HS2ST1: variants seen among roughly 807,000 people sequenced by gnomAD.
HS2ST1 encodes the protein 2-O-sulfotransferase.
Under a neutral mutation model 42.9 loss-of-function variants are expected in HS2ST1, and 18 were observed. The observed-to-expected ratio is 0.42, with a 90% CI of 0.29 to 0.62. The LOEUF (loss-of-function observed/expected upper bound fraction) is 0.62, where lower values mean the gene tolerates loss of function less well. HS2ST1 is among the 20% of genes least tolerant of loss of function. The pLI is 0.21. For missense variants in HS2ST1, 334 were observed against 433.8 expected (o/e 0.77, Z 2.04); for synonymous variants, 146 against 152.9 (o/e 0.95, Z 0.33).
At chr1:87,081,274 A>G (rs1651680913) in intron 2 of HS2ST1, among the ~76,000 whole-genome samples, 1 of 152,220 alleles carries the variant, frequency 6.6e-6, no homozygotes, top group Admixed American at 6.5e-5. Context: ...TCTCCTCAGC[A>G]TATGGGTCAT....
chr1:87,034,757 T>G (rs1650328843), intron 1 of HS2ST1, among the ~76,000 whole-genome samples: 1 of 152,202 alleles, frequency 6.6e-6, no homozygotes, highest in African/African-American at 2.4e-5. Context: ...TTTATAAAAT[T>G]AAAGAGCCAG....
chr1:87,002,734 T>C (rs1649327451), intron 1 of HS2ST1, among the ~76,000 whole-genome samples: 1 of 152,110 alleles, frequency 6.6e-6, no homozygotes, highest in African/African-American at 2.4e-5. Flanking sequence ...AGTTAAAAAT[T>C]TTCCCCCCCG....
At chr1:86,965,325 C>T (rs1458030141) in intron 1 of HS2ST1, among the ~76,000 whole-genome samples, 1 of 151,972 alleles carries the variant, frequency 6.6e-6, no homozygotes, top group Non-Finnish European at 1.5e-5. Flanking sequence ...GGCATTTATC[C>T]CAAAATTCTT....
chr1:87,059,487 A>G (rs540268670), intron 1 of HS2ST1, among the ~76,000 whole-genome samples: 10 of 152,290 alleles, frequency 6.6e-5, no homozygotes, highest in Admixed American at 3.9e-4. Context: ...AGAAATTTAT[A>G]AAGAGATGAG....
intron 1 of HS2ST1, among the ~76,000 whole-genome samples, chr1:86,991,168 T>C (rs981740432): frequency 1.3e-5 from 2 of 151,808 alleles, no homozygotes; most frequent in Non-Finnish European, 2.9e-5. Flanking sequence ...CACTGGCTGC[T>C]CTTGGGGCTT....
chr1:86,919,271 C>T (rs1338476103), intron 1 of HS2ST1, among the ~76,000 whole-genome samples: 1 of 152,054 alleles, frequency 6.6e-6, no homozygotes, highest in Non-Finnish European at 1.5e-5. Flanking sequence ...CCAAGTTTGC[C>T]ATTTGTTTCT....
chr1:86,938,133 AG>A (rs1452591063), intron 1 of HS2ST1, among the ~76,000 whole-genome samples: 1 of 152,176 alleles, frequency 6.6e-6, no homozygotes, highest in Non-Finnish European at 1.5e-5. Flanking sequence ...TTCTTATTTA[AG>A]GAAAGATTCA....
intron 1 of HS2ST1, among the ~76,000 whole-genome samples, chr1:86,916,144 G>A (rs1660153003): frequency 6.6e-6 from 1 of 152,178 alleles, no homozygotes; most frequent in African/African-American, 2.4e-5. Flanking sequence ...ATTTGGAAGA[G>A]CTCAGCATGG....
intron 1 of HS2ST1, among the ~76,000 whole-genome samples, chr1:86,969,575 C>T (rs1036548967): frequency 2.0e-5 from 3 of 152,032 alleles, no homozygotes; most frequent in Admixed American, 2.0e-4. Flanking sequence ...GTTACTGAAA[C>T]TTAGAATTAT....
intron 1 of HS2ST1, among the ~76,000 whole-genome samples, chr1:87,066,719 C>T (rs1651259642): frequency 6.6e-6 from 1 of 151,934 alleles, no homozygotes; most frequent in Admixed American, 6.6e-5. Flanking sequence ...TGCTATCCCT[C>T]CCCTAGCCCC....
At chr1:86,991,317 C>G (rs1159295052) in intron 1 of HS2ST1, among the ~76,000 whole-genome samples, 1 of 152,030 alleles carries the variant, frequency 6.6e-6, no homozygotes, top group Admixed American at 6.5e-5. Flanking sequence ...ATGATAGGTT[C>G]AGGGTGACTC....
chr1:86,976,537 A>T (rs932144379), intron 1 of HS2ST1, among the ~76,000 whole-genome samples: 2 of 151,870 alleles, frequency 1.3e-5, no homozygotes, highest in Admixed American at 6.6e-5. Context: ...AGATAAAGCT[A>T]AAACATTTTT....
intron 3 of HS2ST1, among the ~76,000 whole-genome samples, chr1:87,085,377 A>G (rs1185963763): frequency 6.6e-6 from 1 of 152,202 alleles, no homozygotes; most frequent in African/African-American, 2.4e-5. Context: ...AAAAAGTAGA[A>G]TGAAGTATTA....
intron 1 of HS2ST1, among the ~76,000 whole-genome samples, chr1:87,033,384 G>C (rs1024012131): frequency 6.6e-6 from 1 of 152,222 alleles, no homozygotes; most frequent in Admixed American, 6.5e-5. Context: ...CGGAATTTCT[G>C]TTAGAGTTCA....
At chr1:86,935,053 T>A (rs1660616973) in intron 1 of HS2ST1, among the ~76,000 whole-genome samples, 1 of 152,074 alleles carries the variant, frequency 6.6e-6, no homozygotes, top group Non-Finnish European at 1.5e-5. Flanking sequence ...TAATGATATT[T>A]CCTTTTCTGT....
At chr1:87,006,957 G>A (rs569695143) in intron 1 of HS2ST1, among the ~76,000 whole-genome samples, 4 of 152,038 alleles carry the variant, frequency 2.6e-5, no homozygotes, top group Non-Finnish European at 5.9e-5. Context: ...ACAGAATGGA[G>A]TGAGTGAAAT....
Position 87,106,168 on chromosome 1 carries a change from TG to T in HS2ST1, c.*1473del, listed in dbSNP as rs1371089538. The T allele has an allele frequency of 6.6e-6, 1 of 152,552 alleles. No individual in the cohort carries two copies. Among genetic ancestry groups the T allele is most frequent in the Non-Finnish European group, 1.5e-5 (1 of 67,968 alleles). 9.4% of individuals were successfully genotyped at this position (152,552 alleles called of 1,614,324 possible). A position where few individuals can be genotyped will look rare whatever the true frequency, so the allele number is the denominator to read the frequency against. ...TTTTTAACAAAGAAAGGGAAAAGTC[TG>T]CTTGTAAGCTGGTTGAAAAAGTTAA... On this transcript the variant is annotated 3_prime_UTR_variant, in exon 7 of 7. Coordinates refer to ENST00000370550, the MANE Select transcript of HS2ST1 (RefSeq NM_012262.4).
chr1:87,092,411 T>C, intron 3 of HS2ST1, 120 bp from the exon 4 acceptor site: 1 of 477,696 alleles, frequency 2.1e-6, no homozygotes, highest in East Asian at 3.7e-5. Flanking sequence ...ATTATTTAAA[T>C]TAATTCATGT....
At chr1:87,020,942 A>G (rs889929373) in intron 1 of HS2ST1, among the ~76,000 whole-genome samples, 5 of 152,192 alleles carry the variant, frequency 3.3e-5, no homozygotes, top group Admixed American at 6.5e-5. Flanking sequence ...TCTGAGCCTC[A>G]TTCTATAGGT....
Sources: allele counts gnomAD v4.1 joint callset (sites outside exome capture counted in the v4.1 genomes callset), GRCh38; gene constraint gnomAD v4.1.1; transcripts MANE v1.5; gene names NCBI Gene and HGNC (gene_info 2026-07-23, HGNC 2026-07-21).